The following TEKT4 variants were observed in gnomAD, a reference collection of about 807,000 sequenced individuals.
TEKT4 encodes tektin 4.
Under a neutral mutation model 46.0 loss-of-function variants are expected in TEKT4, and 46 were observed. The ratio of observed to expected loss-of-function variants is 1.00; its 90% confidence interval spans 0.79 to 1.28. The LOEUF (loss-of-function observed/expected upper bound fraction) is 1.28, where lower values mean the gene tolerates loss of function less well. TEKT4 is among the 50% of genes most tolerant of loss of function. TEKT4 has a pLI of 0.00. For missense variants in TEKT4, 790 were observed against 622.9 expected (o/e 1.27, Z -2.85); for synonymous variants, 325 against 265.8 (o/e 1.22, Z -2.17).
Position 94,872,844 on chromosome 2 carries a change from C to T in TEKT4, c.499-676C>T, listed in dbSNP as rs1553395062. 3.1e-6 allele frequency: 4 copies of T among 1,289,382 alleles called. No individual in the cohort carries two copies. In the South Asian group the frequency reaches 4.9e-5, roughly 16 times the overall value. The allele number at this position is 1,289,382 out of a possible 1,614,324, so 79.9% of individuals were successfully genotyped here. On this transcript the variant is annotated intron_variant, in intron 1 of 5. Transcript: ENST00000295201. ...CCTTCCCCCTGCACTCTCTCAGTGC[C>T]TCAAGAACTCCTGCAGCTCCCGCAA...
intron 3 of TEKT4, 45 bp from the exon 4 acceptor site, chr2:94,874,731 G>C: frequency 6.7e-7 from 1 of 1,488,558 alleles, no homozygotes; most frequent in Non-Finnish European, 9.0e-7. Flanking sequence ...CCCAGCCTTC[G>C]GCAGAGCCTC....
In TEKT4 at chr2:94,874,035, G is replaced by C. The variant is rs545182832; in HGVS notation, c.640G>C (p.Glu214Gln). The change falls in exon 3 of 6, where the codon GAG (glutamate) becomes CAG (glutamine). Residue 214 changes from glutamate to glutamine, a missense_variant. Glu to Gln is a conservative substitution (Grantham distance 29, BLOSUM62 2). Transcript: ENST00000295201. ...CAAGATGGAGGCCTACAACATCGAC[G>C]AGACCTGCGGGCGCCACCACAGCCA... ...SDKMEAYNID[E>Q]TCGRHHSQST... is the part of the protein sequence containing the mutation. 1.2e-6 allele frequency: 2 copies of C among 1,613,778 alleles called. No homozygotes were observed. The highest frequency in any genetic ancestry group is 2.2e-5 in the East Asian group (1 of 44,866).
chr2:94,876,017 G>A (rs1338983899), intron 5 of TEKT4, among the ~76,000 whole-genome samples: 2 of 152,198 alleles, frequency 1.3e-5, no homozygotes, highest in Non-Finnish European at 2.9e-5. Flanking sequence ...TTCCCGGGAG[G>A]AAGCTCCTTC....
At chr2:94,873,139 C>T in intron 1 of TEKT4, 2 of 1,225,214 alleles carry the variant, frequency 1.6e-6, no homozygotes, top group South Asian at 3.0e-5. Flanking sequence ...TGAGGGGCAG[C>T]CTGGGCGGGC....
intron 3 of TEKT4, among the ~76,000 whole-genome samples, chr2:94,874,379 G>A (rs1233665631): frequency 5.3e-5 from 8 of 152,276 alleles, no homozygotes; most frequent in Non-Finnish European, 7.4e-5. Flanking sequence ...AAGGCCAGCA[G>A]AGGGAGCCTG....
At chr2:94,875,347 T>C (rs112956319) in intron 4 of TEKT4, among the ~76,000 whole-genome samples, 58 of 152,304 alleles carry the variant, frequency 3.8e-4, no homozygotes, top group African/African-American at 1.4e-3. Flanking sequence ...ATTCAGGTCC[T>C]GGTGACCACC....
intron 5 of TEKT4, among the ~76,000 whole-genome samples, 157 bp downstream of exon 5, chr2:94,875,899 T>C (rs1321319337): frequency 6.6e-6 from 1 of 152,182 alleles, no homozygotes; most frequent in Admixed American, 6.5e-5. Flanking sequence ...CAGGCATGCC[T>C]TAAACACACA....
At position 94,875,660 on chromosome 2, in the gene TEKT4, C is replaced by T. The variant is rs140893313; in HGVS notation, c.1009C>T (p.Pro337Ser). The change falls in exon 5 of 6, where the codon CCT becomes TCT. Residue 337 changes from proline to serine, a missense_variant. Transcript: ENST00000295201. The stretch of plus-strand genomic sequence containing the variant: ...GCAGGCCATCAAGGACAAAGAGGCA[C>T]CTCTGCACGTAGCCCAGACCCGGCT... ...LKQAIKDKEAPLHVAQTRLYL... is the reference protein window; with the variant it reads ...LKQAIKDKEASLHVAQTRLYL... 3 of 1,614,182 alleles carry T rather than the reference C, an allele frequency of 1.9e-6. No homozygotes were observed. Among genetic ancestry groups the T allele is most frequent in the Non-Finnish European group, 2.5e-6 (3 of 1,180,012 alleles).
At chr2:94,874,691 G>A (rs1474416821) in intron 3 of TEKT4, 85 bp from the exon 4 acceptor site, 115 of 1,237,452 alleles carry the variant, frequency 9.3e-5, no homozygotes, top group African/African-American at 7.5e-4. Flanking sequence ...AGCATGGGGC[G>A]CGGACAGGGC....
At chr2:94,874,354 A>G (rs77573516) in intron 3 of TEKT4, among the ~76,000 whole-genome samples, 2,307 of 152,204 alleles carry the variant, frequency 0.015, 27 homozygotes, top group Non-Finnish European at 0.023. Context: ...CGCTGGCAGG[A>G]TTGCGTTTCC....
At position 94,875,692 on chromosome 2, in the gene TEKT4, G is replaced by A. The variant is rs138910786; in HGVS notation, c.1041G>A (p.Leu347=). ...PLHVAQTRLY[L]RSHRPNMELC... ...ACGTAGCCCAGACCCGGCTGTACCT[G>A]CGCTCGCACCGGCCCAACATGGAGC... is the stretch of plus-strand genomic sequence containing the variant. Residue 347 remains leucine (L), a synonymous_variant, in exon 5 of 6, where the codon CTG becomes CTA. Coordinates refer to ENST00000295201, the MANE Select transcript of TEKT4 (RefSeq NM_144705.4). The A allele has an allele frequency of 5.2e-5, 84 of 1,614,036 alleles. No individual in the cohort carries two copies. Among genetic ancestry groups the A allele is most frequent in the Non-Finnish European group, 6.8e-5 (80 of 1,180,014 alleles).
chr2:94,874,848 C>G lies in TEKT4; in HGVS notation c.786C>G (p.Ala262=). 1 of 1,607,766 alleles carries G rather than the reference C, an allele frequency of 6.2e-7. No individual in the cohort carries two copies. Among genetic ancestry groups the G allele is most frequent in the Non-Finnish European group, 8.5e-7 (1 of 1,177,964 alleles). The change falls in exon 4 of 6, where the codon GCC becomes GCG. Residue 262 remains alanine, a synonymous_variant. Coordinates refer to ENST00000295201, the MANE Select transcript of TEKT4 (RefSeq NM_144705.4). ...GCCGTGCCCAGCGCGAGCGCCTGGC[C>G]TCGGCCAACCTGCGGGTGCTGGTGG... ...NLCRAQRERL[A]SANLRVLVDC... is the part of the protein sequence containing the mutation.
At position 94,875,103 on chromosome 2, in the gene TEKT4, G is replaced by A. The variant is rs1185378572; in HGVS notation, c.936+105G>A. ...TTATCCCGAGGGACCCCAGAAGCAA[G>A]TGTCTCCTCTCCGTAAACCTATGTA... On this transcript the variant is annotated intron_variant, in intron 4 of 5. Transcript: ENST00000295201. The A allele has an allele frequency of 1.5e-5, 18 of 1,215,506 alleles. No homozygotes were observed. The Admixed American group carries it at 2.7e-4, about 18-fold the overall frequency. 75.3% of individuals were successfully genotyped at this position (1,215,506 alleles called of 1,614,324 possible).
intron 3 of TEKT4, among the ~76,000 whole-genome samples, 170 bp downstream of exon 3, chr2:94,874,278 A>G (rs1341938993): frequency 1.9e-4 from 29 of 152,036 alleles, no homozygotes; most frequent in Admixed American, 1.8e-3. Flanking sequence ...ACCTCCTCAA[A>G]TGTCCAGCGC....
intron 5 of TEKT4, 94 bp downstream of exon 5, chr2:94,875,836 A>C: frequency 5.4e-6 from 7 of 1,295,448 alleles, no homozygotes; most frequent in African/African-American, 1.5e-5. Flanking sequence ...CCGCACACAC[A>C]TCCCCCGCAG....
Position 94,876,724 on chromosome 2 carries a change from T to C in TEKT4, c.1263T>C (p.His421=). 1 of 1,611,174 alleles carries C rather than the reference T, an allele frequency of 6.2e-7. No homozygotes were observed. The highest frequency in any genetic ancestry group is 8.5e-7 in the Non-Finnish European group (1 of 1,179,986). ...TCGACCGCCAGAAGTGCATGGCCCA[T>C]CGTACTCGCTACCCCACCATCCTGC... ...LFIDRQKCMA[H]RTRYPTILQL... The change falls in exon 6 of 6, where the codon CAT becomes CAC. Residue 421 remains histidine, a synonymous_variant. Transcript: ENST00000295201.
At chr2:94,874,583 G>A (rs1229282463) in intron 3 of TEKT4, among the ~76,000 whole-genome samples, 193 bp from the exon 4 acceptor site, 3 of 151,848 alleles carry the variant, frequency 2.0e-5, no homozygotes, top group Non-Finnish European at 2.9e-5. Flanking sequence ...GGGACTCAGA[G>A]AAGTTGTGGC....
intron 3 of TEKT4, among the ~76,000 whole-genome samples, 179 bp downstream of exon 3, chr2:94,874,287 G>A (rs1323380272): frequency 5.9e-5 from 9 of 152,212 alleles, no homozygotes; most frequent in African/African-American, 1.4e-4. Context: ...AATGTCCAGC[G>A]CGTGCACAGC....
At position 94,876,775 on chromosome 2, in the gene TEKT4, G is replaced by C. The variant is rs782636505; in HGVS notation, c.*6G>C. On this transcript the variant is annotated 3_prime_UTR_variant, in exon 6 of 6. Coordinates refer to ENST00000295201, the MANE Select transcript of TEKT4 (RefSeq NM_144705.4). ...AGCTGGCTGGCTACCAGTGAGCAGC[G>C]GCACGGTGCTTCCCCCCAGTCCCCC... The C allele has an allele frequency of 1.2e-6, 2 of 1,602,916 alleles. No homozygotes were observed. The highest frequency in any genetic ancestry group is 1.1e-5 in the South Asian group (1 of 90,938).
Sources: gnomAD v4.1 joint callset for allele counts (sites outside exome capture counted in the v4.1 genomes callset) on GRCh38, gnomAD v4.1.1 for gene constraint, MANE v1.5 for transcripts, NCBI Gene and HGNC (gene_info 2026-07-23, HGNC 2026-07-21) for gene names.